Variants in NHEJ1 observed in about 807,000 individuals in gnomAD.
NHEJ1 encodes non-homologous end-joining factor 1.
NHEJ1 carries 22 observed loss-of-function variants against 39.4 expected under a neutral mutation model. That is an observed-to-expected ratio of 0.56 (90% confidence interval 0.40 to 0.80). NHEJ1 has a LOEUF of 0.80. NHEJ1 is among the 30% of genes least tolerant of loss of function. The probability of loss-of-function intolerance (pLI) is 0.00; values close to 1 mark genes in which losing one functional copy is unlikely to be tolerated. For synonymous variants in NHEJ1, 154 were observed against 135.6 expected, an observed-to-expected ratio of 1.14 and a Z score of -0.94; for missense variants, 329 against 357.1, an observed-to-expected ratio of 0.92 and a Z score of 0.63.
chr2:219,137,066 C>T, intron 5 of NHEJ1, among the ~76,000 whole-genome samples: 1 of 133,898 alleles, frequency 7.5e-6, no homozygotes, highest in East Asian at 2.1e-4. Flanking sequence ...TTTAGCTCTT[C>T]TTGAGAAAAA....
intron 5 of NHEJ1, among the ~76,000 whole-genome samples, chr2:219,133,791 G>A (rs142181355): frequency 1.4e-3 from 213 of 152,330 alleles, no homozygotes; most frequent in African/African-American, 4.9e-3. Context: ...GAAGTATGCA[G>A]AAATCTACTA....
At chr2:219,077,977 A>T in intron 6 of NHEJ1, 112 bp downstream of exon 6, 1 of 782,334 alleles carries the variant, frequency 1.3e-6, no homozygotes, top group Non-Finnish European at 2.2e-6. Flanking sequence ...TTTCATTTTT[A>T]TTAATTTAAA....
chr2:219,134,500 T>C (rs569941949), intron 5 of NHEJ1, among the ~76,000 whole-genome samples: 177 of 152,338 alleles, frequency 1.2e-3, no homozygotes, highest in African/African-American at 4.0e-3. Flanking sequence ...GTCTCACATT[T>C]CCATCACTGG....
At chr2:219,101,746 T>C (rs1949263197) in intron 5 of NHEJ1, among the ~76,000 whole-genome samples, 1 of 138,940 alleles carries the variant, frequency 7.2e-6, no homozygotes, top group South Asian at 2.3e-4. Context: ...TGAGACAGAG[T>C]CTTGCTCTGT....
chr2:219,107,999 C>T (rs1949329826), intron 5 of NHEJ1, among the ~76,000 whole-genome samples: 1 of 152,072 alleles, frequency 6.6e-6, no homozygotes, highest in African/African-American at 2.4e-5. Flanking sequence ...TTCGAGTCCG[C>T]TCAGCGACTG....
intron 5 of NHEJ1, among the ~76,000 whole-genome samples, chr2:219,142,154 C>T (rs1447234050): frequency 2.0e-5 from 3 of 152,098 alleles, no homozygotes; most frequent in African/African-American, 7.2e-5. Context: ...AGGTATTATA[C>T]TGAACAGATT....
chr2:219,088,121 G>C (rs935655341), intron 5 of NHEJ1, among the ~76,000 whole-genome samples: 1 of 152,168 alleles, frequency 6.6e-6, no homozygotes, highest in Admixed American at 6.5e-5. Flanking sequence ...CTAAACTGCT[G>C]GTGTGGTTAT....
intron 6 of NHEJ1, 115 bp from the exon 7 acceptor site, chr2:219,077,479 C>G (rs1949025477): frequency 7.1e-6 from 6 of 850,166 alleles, no homozygotes; most frequent in Admixed American, 3.6e-5. Flanking sequence ...AATATATAAG[C>G]AGACAGAAGT....
chr2:219,109,467 G>C (rs552001451), intron 5 of NHEJ1, among the ~76,000 whole-genome samples: 102 of 152,352 alleles, frequency 6.7e-4, no homozygotes, highest in African/African-American at 2.1e-3. Context: ...GCACCAACGT[G>C]AAGGATCAAG....
At chr2:219,102,405 A>T (rs984641400) in intron 5 of NHEJ1, 1 of 152,080 alleles carries the variant, frequency 6.6e-6, no homozygotes, top group African/African-American at 2.4e-5. Context: ...GTGGCAGGGG[A>T]TATTTCAGTT....
At chr2:219,144,409 A>G (rs1949717203) in intron 5 of NHEJ1, among the ~76,000 whole-genome samples, 1 of 152,154 alleles carries the variant, frequency 6.6e-6, no homozygotes, top group Non-Finnish European at 1.5e-5. Context: ...TAATATTACA[A>G]TGTTATAAGT....
intron 5 of NHEJ1, among the ~76,000 whole-genome samples, chr2:219,078,907 G>C (rs963927428): frequency 2.6e-5 from 4 of 152,064 alleles, no homozygotes; most frequent in Non-Finnish European, 5.9e-5. Flanking sequence ...TAGATTTTTT[G>C]GTATACCTGT....
At chr2:219,116,554 C>T (rs971751109) in intron 5 of NHEJ1, among the ~76,000 whole-genome samples, 4 of 152,070 alleles carry the variant, frequency 2.6e-5, no homozygotes, top group African/African-American at 7.2e-5. Context: ...GATGGGGTTT[C>T]GCCATGTTGC....
chr2:219,077,987 A>ATAAG, intron 6 of NHEJ1, 102 bp downstream of exon 6: 1 of 819,664 alleles, frequency 1.2e-6, no homozygotes, highest in Non-Finnish European at 2.1e-6. Context: ...ATTAATTTAA[A>ATAAG]CTTAAATAGT....
chr2:219,104,022 T>C (rs544398733), intron 5 of NHEJ1, among the ~76,000 whole-genome samples: 31 of 152,372 alleles, frequency 2.0e-4, no homozygotes, highest in African/African-American at 7.5e-4. Context: ...GAAGAACTTA[T>C]TCTTACCCAA....
chr2:219,109,116 A>T lies in NHEJ1; in HGVS notation c.589-30910T>A, dbSNP rs554576186. 8.2e-4 allele frequency among the ~76,000 whole-genome samples: 124 copies of T among 152,072 alleles called. 1 individual carries two copies. The highest frequency in any genetic ancestry group is 2.8e-3 in the African/African-American group (115 of 41,500). On this transcript the variant is annotated intron_variant, in intron 5 of 7. Coordinates refer to ENST00000356853, the MANE Select transcript of NHEJ1 (RefSeq NM_024782.3). ...CACCTAAACTATGGTTACCATTCTC[A>T]GACAGAACAACAAGCCCCCAACCCT...
chr2:219,137,589 A>AC (rs1949645654), intron 5 of NHEJ1, among the ~76,000 whole-genome samples: 1 of 139,298 alleles, frequency 7.2e-6, no homozygotes, highest in Non-Finnish European at 1.6e-5. Flanking sequence ...AAAAAAAAAA[A>AC]AAACAAAAAA....
At chr2:219,153,055 G>A (rs1175416672) in intron 3 of NHEJ1, among the ~76,000 whole-genome samples, 5 of 152,062 alleles carry the variant, frequency 3.3e-5, no homozygotes, top group East Asian at 1.9e-4. Flanking sequence ...CGCCCGCCTC[G>A]GCCTCCCAAA....
At chr2:219,104,275 CTGCAACTA>C (rs1366594772) in intron 5 of NHEJ1, among the ~76,000 whole-genome samples, 1 of 152,166 alleles carries the variant, frequency 6.6e-6, no homozygotes, top group Non-Finnish European at 1.5e-5. Context: ...GGATTTCTGC[CTGCAACTA>C]TGCCAAAAGA....
Sources: allele counts gnomAD v4.1 joint callset (sites outside exome capture counted in the v4.1 genomes callset), GRCh38; gene constraint gnomAD v4.1.1; transcripts MANE v1.5; gene names NCBI Gene and HGNC (gene_info 2026-07-23, HGNC 2026-07-21).